The following PCDH9 variants were observed in gnomAD, a reference collection of about 807,000 sequenced individuals.
PCDH9 encodes the protein protocadherin-9.
PCDH9 carries 24 observed loss-of-function variants against 70.6 expected under a neutral mutation model. The observed-to-expected ratio is 0.34, with a 90% CI of 0.25 to 0.48. PCDH9 has a LOEUF of 0.48. Among genes scored for constraint, PCDH9 ranks in the 20% least tolerant of loss-of-function variants. The pLI is 0.99. For synonymous variants in PCDH9, 562 were observed against 558.5 expected (o/e 1.01, Z -0.09); for missense variants, 1,281 against 1,503.6 (o/e 0.85, Z 2.45).
chr13:67,083,793 G>A (rs1464639035), intron 2 of PCDH9, among the ~76,000 whole-genome samples: 2 of 152,090 alleles, frequency 1.3e-5, no homozygotes, highest in Non-Finnish European at 2.9e-5. Context: ...ACATAAACAT[G>A]ACATAATGAA....
In PCDH9 at chr13:67,227,963, G is replaced by A. The variant is rs150583751; in HGVS notation, c.478C>T (p.Arg160Cys). 9.9e-6 allele frequency: 16 copies of A among 1,613,990 alleles called. No homozygotes were observed. Among genetic ancestry groups the A allele is most frequent in the Non-Finnish European group, 1.4e-5 (16 of 1,180,044 alleles). The change falls in exon 2 of 5, where the codon CGC becomes TGC. Residue 160 changes from arginine (R) to cysteine (C), a missense_variant. Arg to Cys is a radical substitution (Grantham distance 180). Around this residue, in one of 4 missense-constraint regions of PCDH9, gnomAD observed 798 missense variants for 1,003.1 expected, o/e 0.80. Coordinates refer to ENST00000377865, the MANE Select transcript of PCDH9 (RefSeq NM_203487.3). This position sits in a 1 kb window ranked among gnomAD's most constrained non-coding sequence, Gnocchi z 4.6. The part of the protein sequence containing the change: ...SIPENTLINS[R>C]FPIPSATDPD... ...TCTGTTGCTGATGGAATTGGAAAGC[G>A]GCTGTTGATCAAAGTGTTTTCTGGA...
intron 4 of PCDH9, among the ~76,000 whole-genome samples, chr13:66,597,446 T>C (rs2077117070): frequency 6.6e-6 from 1 of 151,686 alleles, no homozygotes; most frequent in South Asian, 2.1e-4. Flanking sequence ...AGTCAAATGA[T>C]CTTCAAGAGG....
rs1017424907 is a variant in PCDH9, at chr13:66,970,293, C to G, written c.3037-66688G>C. On this transcript the variant is annotated intron_variant, in intron 2 of 4. Coordinates refer to ENST00000377865, the MANE Select transcript of PCDH9 (RefSeq NM_203487.3). ...AGTATTATGTGGGTCTTCGTGCATA[C>G]TGAGAATAACAAGTTATTTCTTTGG... is the stretch of plus-strand genomic sequence containing the variant. Among the ~76,000 whole-genome samples, 4 of 151,926 alleles carry G rather than the reference C, an allele frequency of 2.6e-5. No homozygotes were observed. In the South Asian group the frequency reaches 8.3e-4, roughly 32 times the overall value.
At chr13:67,187,004 T>C (rs2138502785) in intron 2 of PCDH9, among the ~76,000 whole-genome samples, 1 of 152,324 alleles carries the variant, frequency 6.6e-6, no homozygotes, top group South Asian at 2.1e-4. Flanking sequence ...ATTGGTTTGT[T>C]TCTTTCAATT....
At chr13:66,562,078 C>G (rs150929645) in intron 4 of PCDH9, among the ~76,000 whole-genome samples, 1 of 152,010 alleles carries the variant, frequency 6.6e-6, no homozygotes, top group Admixed American at 6.6e-5. Flanking sequence ...ACTCCAGAAA[C>G]GCCACCTTAA....
chr13:66,697,857 A>G (rs1170620382), intron 3 of PCDH9, among the ~76,000 whole-genome samples: 1 of 152,248 alleles, frequency 6.6e-6, no homozygotes, highest in African/African-American at 2.4e-5. Flanking sequence ...TACAATAGCC[A>G]AAAGCTACAA....
chr13:66,817,123 G>T (rs2080621952), intron 3 of PCDH9, among the ~76,000 whole-genome samples: 1 of 152,118 alleles, frequency 6.6e-6, no homozygotes, highest in African/African-American at 2.4e-5. Context: ...AGATGACAAA[G>T]TATATGGGAA....
intron 3 of PCDH9, among the ~76,000 whole-genome samples, chr13:66,739,867 C>G (rs377616333): frequency 3.7e-5 from 5 of 134,356 alleles, no homozygotes; most frequent in African/African-American, 1.1e-4. Context: ...TACAAAGAGA[C>G]TTAGACTCCC....
chr13:66,934,558 G>GAAA (rs1555288043), intron 2 of PCDH9, among the ~76,000 whole-genome samples: 5 of 134,842 alleles, frequency 3.7e-5, no homozygotes, highest in Admixed American at 7.6e-5. Flanking sequence ...AAAAAAAAAA[G>GAAA]AAAAAGAAAA....
intron 4 of PCDH9, among the ~76,000 whole-genome samples, chr13:66,428,138 A>G (rs1332777586): frequency 6.6e-6 from 1 of 151,774 alleles, no homozygotes; most frequent in East Asian, 1.9e-4. Flanking sequence ...GTTCAGAACA[A>G]GTTTTGCACA....
chr13:66,379,887 AG>A (rs1956814242), intron 4 of PCDH9, among the ~76,000 whole-genome samples: 1 of 152,226 alleles, frequency 6.6e-6, no homozygotes, highest in African/African-American at 2.4e-5. Context: ...AAACAAAAAA[AG>A]CATTCTGAAT....
At chr13:66,933,372 GT>G (rs2139666151) in intron 2 of PCDH9, among the ~76,000 whole-genome samples, 2 of 152,230 alleles carry the variant, frequency 1.3e-5, no homozygotes, top group South Asian at 4.1e-4. Context: ...GTAAGTAAAT[GT>G]TTTGTAAAAC....
chr13:67,091,935 T>C (rs1291767753), intron 2 of PCDH9, among the ~76,000 whole-genome samples: 1 of 152,164 alleles, frequency 6.6e-6, no homozygotes, highest in African/African-American at 2.4e-5. Context: ...GTTCATGCTT[T>C]TTCAAATTGT....
chr13:66,469,268 C>A (rs1441130644), intron 4 of PCDH9, among the ~76,000 whole-genome samples: 1 of 151,884 alleles, frequency 6.6e-6, no homozygotes, highest in Non-Finnish European at 1.5e-5. Context: ...CCTGTTTGCC[C>A]AAAAAGAAAC....
chr13:67,207,247 T>C (rs921917975), intron 2 of PCDH9: 1 of 152,162 alleles, frequency 6.6e-6, no homozygotes, highest in African/African-American at 2.4e-5. Context: ...TTACTTTTGC[T>C]GACTAACTAC....
At chr13:67,023,530 A>G (rs1489829007) in intron 2 of PCDH9, among the ~76,000 whole-genome samples, 1 of 152,244 alleles carries the variant, frequency 6.6e-6, no homozygotes, top group African/African-American at 2.4e-5. Context: ...AGCCAAGTCA[A>G]GAATTTGAAA....
chr13:66,532,039 T>A (rs1960480761), intron 4 of PCDH9, among the ~76,000 whole-genome samples: 1 of 152,142 alleles, frequency 6.6e-6, no homozygotes, highest in Non-Finnish European at 1.5e-5. Context: ...CAGGCTGGAA[T>A]GCAATGGCAC....
At chr13:66,771,527 T>C (rs986404780) in intron 3 of PCDH9, among the ~76,000 whole-genome samples, 2 of 152,208 alleles carry the variant, frequency 1.3e-5, no homozygotes, top group Non-Finnish European at 1.5e-5. Context: ...ATTACAATCA[T>C]GATAAGTGCT....
chr13:67,031,196 A>G (rs964863508), intron 2 of PCDH9, among the ~76,000 whole-genome samples: 3 of 152,178 alleles, frequency 2.0e-5, no homozygotes, highest in African/African-American at 7.2e-5. Context: ...CAATAATGAA[A>G]CTACAGTATA....
Sources: allele counts gnomAD v4.1 joint callset (sites outside exome capture counted in the v4.1 genomes callset), GRCh38; gene constraint gnomAD v4.1.1; regional missense constraint gnomAD v4.1.1; non-coding constraint Gnocchi (gnomAD v3.1); transcripts MANE v1.5; gene names NCBI Gene and HGNC (gene_info 2026-07-23, HGNC 2026-07-21).